MTIF2: variants seen among roughly 807,000 people sequenced by gnomAD.
MTIF2 encodes mitochondrial translational initiation factor 2.
In MTIF2, 71 loss-of-function variants were observed where a neutral mutation model predicts 83.5. That is an observed-to-expected ratio of 0.85 (90% CI 0.70 to 1.04). The LOEUF (loss-of-function observed/expected upper bound fraction) is 1.04, where lower values mean the gene tolerates loss of function less well. Ranked by LOEUF, MTIF2 falls within the 50% of genes least tolerant of loss-of-function variation. The pLI, the probability that MTIF2 is intolerant of heterozygous loss-of-function variation, is 0.00. For missense variants in MTIF2, 957 were observed against 846.5 expected, an observed-to-expected ratio of 1.13 and a Z score of -1.62; for synonymous variants, 319 against 287.1, an observed-to-expected ratio of 1.11 and a Z score of -1.12.
intron 14 of MTIF2, among the ~76,000 whole-genome samples, chr2:55,239,677 C>T (rs1676154210): frequency 6.6e-6 from 1 of 152,156 alleles, no homozygotes; most frequent in African/African-American, 2.4e-5. Context: ...AGCCCCACAA[C>T]AAAGTCAACA....
At position 55,268,610 on chromosome 2, in the gene MTIF2, GA is replaced by G. The variant is rs1348659150; in HGVS notation, c.-108del. ...TCCTCATTTTACAGAAAAGGAAACG[GA>G]AATCCAGAAGGGTCAAAAAAGCTTC... is the stretch of plus-strand genomic sequence containing the variant. On this transcript the variant is annotated 5_prime_UTR_variant, in exon 2 of 16. Transcript: ENST00000263629. 1 of 152,280 alleles carries G rather than the reference GA, an allele frequency of 6.6e-6. No individual in the cohort carries two copies. The highest frequency in any genetic ancestry group is 1.5e-5 in the Non-Finnish European group (1 of 68,116). The allele number at this position is 152,280 out of a possible 1,614,324, so 9.4% of individuals were successfully genotyped here.
At chr2:55,247,031 C>A (rs894642075) in intron 9 of MTIF2, among the ~76,000 whole-genome samples, 2 of 152,124 alleles carry the variant, frequency 1.3e-5, no homozygotes, top group East Asian at 3.9e-4. Context: ...AGCTGTGCAG[C>A]CTTTAAAAAA....
rs949729255 is a variant in MTIF2, at chr2:55,244,071, G to T, written c.1269C>A (p.Asp423Glu). 6 of 1,613,916 alleles carry T rather than the reference G, an allele frequency of 3.7e-6. No homozygotes were observed. The highest frequency in any genetic ancestry group is 5.1e-6 in the Non-Finnish European group (6 of 1,180,024). Residue 423 changes from aspartate (D) to glutamate (E), a missense_variant, in exon 11 of 16, where the codon GAC (aspartate) becomes GAA (glutamate). Physicochemically the swap from Asp to Glu is conservative, Grantham distance 45. Transcript: ENST00000263629. ...GAATTTCTTCTCCTGCAGAAGGAAG[G>T]TCTCTCCAGCCTGTAATTCCCACTG... ...SMPVGITGWR[D>E]LPSAGEEILE...
At position 55,237,384 on chromosome 2, in the gene MTIF2, T is replaced by C. The variant is rs1388434076; in HGVS notation, c.1915A>G (p.Lys639Glu). Residue 639 changes from lysine to glutamate, a missense_variant, in exon 15 of 16, where the codon AAA becomes GAA. Around this residue, in one of 3 missense-constraint regions of MTIF2, gnomAD observed 221 missense variants for 180.6 expected, o/e 1.22. Coordinates refer to ENST00000263629, the MANE Select transcript of MTIF2 (RefSeq NM_002453.3). ...CTGCAGCCAGCCACAGGAACTTTTT[T>C]CTTCCCTTCTGTTACAGAGAAGGTA... ...LATFSVTEGK[K>E]KVPVAGCRVQ... 2.5e-6 allele frequency: 4 copies of C among 1,612,924 alleles called. No homozygotes were observed. Among genetic ancestry groups the C allele is most frequent in the Non-Finnish European group, 3.4e-6 (4 of 1,179,934 alleles).
chr2:55,252,674 G>A (rs1465210111), intron 7 of MTIF2, 21 bp from the exon 8 acceptor site: 2 of 1,591,060 alleles, frequency 1.3e-6, no homozygotes, highest in Non-Finnish European at 1.7e-6. Context: ...AGAAATTCAA[G>A]AACATCAAGG....
rs79603135 is a variant in MTIF2 at position 55,239,301 on chromosome 2, G to A, written c.1870+710C>T. ...GCTTAGCAGATGTACATATTTAGAG[G>A]CAAATGGGCACTATATCTCAAACAT... On this transcript the variant is annotated intron_variant, in intron 14 of 15. Transcript: ENST00000263629. 4.8e-3 allele frequency among the ~76,000 whole-genome samples: 725 copies of A among 152,202 alleles called. 4 individuals are homozygous for A. Among genetic ancestry groups the A allele is most frequent in the Non-Finnish European group, 7.8e-3 (532 of 68,016 alleles).
intron 4 of MTIF2, 114 bp from the exon 5 acceptor site, chr2:55,262,541 CTTTTT>C (rs66500251): frequency 2.5e-4 from 70 of 285,062 alleles, no homozygotes; most frequent in Middle Eastern, 1.1e-3. Context: ...CTTTTTTTTT[CTTTTT>C]TTTTTTTTTT....
chr2:55,253,252 C>A (rs575489936), intron 7 of MTIF2, among the ~76,000 whole-genome samples: 14 of 152,058 alleles, frequency 9.2e-5, no homozygotes, highest in Admixed American at 1.3e-4. Flanking sequence ...GCTAGGTGCT[C>A]GTAAATGGGA....
rs764176987 is a variant in MTIF2, at chr2:55,243,586, T to C, written c.1394A>G (p.Glu465Gly). Reference sequence around the variant, plus strand: ...TGCTTCTTTGTGTTCCTTTCGCTTTTCTTCTATTATTTTCAGATCCTCCTG... The same window carrying C: ...TGCTTCTTTGTGTTCCTTTCGCTTTCCTTCTATTATTTTCAGATCCTCCTG... ...KGQEDLKIIEEKRKEHKEAHQ... is the reference protein window; with the variant it reads ...KGQEDLKIIEGKRKEHKEAHQ... Residue 465 changes from glutamate (E) to glycine (G), a missense_variant, in exon 12 of 16, where the codon GAA becomes GGA. Physicochemically the swap from Glu to Gly is moderately conservative, Grantham distance 98 (BLOSUM62 -2). This residue lies in a region of MTIF2 where 733 missense variants were observed against 648.7 expected (regional missense o/e 1.13). Transcript: ENST00000263629. 3.1e-6 allele frequency: 5 copies of C among 1,613,982 alleles called. No homozygotes were observed. The East Asian group carries it at 1.1e-4, about 36-fold the overall frequency.
intron 3 of MTIF2, among the ~76,000 whole-genome samples, chr2:55,264,508 C>G (rs1426620530): frequency 6.6e-6 from 1 of 152,178 alleles, no homozygotes; most frequent in Admixed American, 6.5e-5. Flanking sequence ...GTTGAAATTA[C>G]AGGCATGAGC....
Position 55,248,998 on chromosome 2 carries a change from A to G in MTIF2, c.981+397T>C, listed in dbSNP as rs1676897744. On this transcript the variant is annotated intron_variant, in intron 9 of 15. Coordinates refer to ENST00000263629, the MANE Select transcript of MTIF2 (RefSeq NM_002453.3). ...AAAAAAATTTAAAAATTAGCTAGGC[A>G]TGGGGTGGCACCTGCCTGTAGCCCC... Among the ~76,000 whole-genome samples the G allele has an allele frequency of 2.0e-5, 3 of 152,248 alleles. No individual in the cohort carries two copies. The South Asian group carries it at 6.2e-4, about 32-fold the overall frequency.
chr2:55,249,575 C>T (rs1258030019), intron 8 of MTIF2, 41 bp from the exon 9 acceptor site: 3 of 1,603,092 alleles, frequency 1.9e-6, no homozygotes, highest in Non-Finnish European at 2.6e-6. Context: ...ATGATGACAC[C>T]TTCAATTCCA....
chr2:55,256,756 G>T (rs906846696), intron 5 of MTIF2, among the ~76,000 whole-genome samples: 8 of 151,806 alleles, frequency 5.3e-5, no homozygotes, highest in Non-Finnish European at 8.8e-5. Flanking sequence ...CCAGGCTAGA[G>T]TGCAGTGGCA....
chr2:55,263,533 C>T (rs1573922360), intron 4 of MTIF2, 107 bp downstream of exon 4: 4 of 814,884 alleles, frequency 4.9e-6, no homozygotes, highest in Non-Finnish European at 7.6e-6. Context: ...TTGCTTAAAC[C>T]CAAGAGGCGT....
At chr2:55,238,581 G>C (rs991304263) in intron 14 of MTIF2, among the ~76,000 whole-genome samples, 1 of 151,932 alleles carries the variant, frequency 6.6e-6, no homozygotes, top group African/African-American at 2.4e-5. Context: ...AGTAAAGACG[G>C]GGTTTCACCA....
At position 55,236,810 on chromosome 2, in the gene MTIF2, G is replaced by C; in HGVS notation, c.2022C>G (p.Thr674=). ...NGHVIWKGSL[T]SLKHHKDDIS... is the part of the protein sequence containing the mutation. ...TGTCATCTTTATGGTGTTTCAATGA[G>C]GTTAATGAGCCTTAAAAAAGATAAT... Residue 674 remains threonine (T), a synonymous_variant, in exon 16 of 16, where the codon ACC becomes ACG. Transcript: ENST00000263629. 6.3e-7 allele frequency: 1 copy of C among 1,587,238 alleles called. No homozygotes were observed. The highest frequency in any genetic ancestry group is 1.2e-5 in the South Asian group (1 of 85,652).
chr2:55,251,090 A>T (rs12052613), intron 8 of MTIF2, among the ~76,000 whole-genome samples: 1 of 143,044 alleles, frequency 7.0e-6, no homozygotes. Context: ...AGCCTGGGCA[A>T]TAAGAGCAAA....
At chr2:55,241,408 ACT>A (rs939032436) in intron 13 of MTIF2, among the ~76,000 whole-genome samples, 1 of 145,418 alleles carries the variant, frequency 6.9e-6, no homozygotes. Context: ...ACAGAGCAAG[ACT>A]CTGTCTCAAA....
At chr2:55,241,552 AG>A (rs2077518361) in intron 13 of MTIF2, among the ~76,000 whole-genome samples, 2 of 151,930 alleles carry the variant, frequency 1.3e-5, no homozygotes, top group Non-Finnish European at 2.9e-5. Flanking sequence ...ATCATTAAGA[AG>A]CCATTCAGGC....
Sources: gnomAD v4.1 joint callset for allele counts (sites outside exome capture counted in the v4.1 genomes callset) on GRCh38, gnomAD v4.1.1 for gene constraint, gnomAD v4.1.1 regional missense constraint, MANE v1.5 for transcripts, NCBI Gene and HGNC (gene_info 2026-07-23, HGNC 2026-07-21) for gene names.